Variants in LRRIQ1 observed in about 807,000 individuals in gnomAD.
LRRIQ1 encodes leucine-rich repeat- and IQ domain-containing protein 1.
LRRIQ1 carries 210 observed loss-of-function variants against 211.9 expected under a neutral mutation model. The ratio of observed to expected loss-of-function variants is 0.99; its 90% CI spans 0.89 to 1.11. The LOEUF is 1.11. Among genes scored for constraint, LRRIQ1 ranks in the 50% most tolerant of loss-of-function variants. The pLI is 0.00. For synonymous variants in LRRIQ1, 699 were observed against 650.1 expected (o/e 1.08, Z -1.14); for missense variants, 2,136 against 1,939.5 (o/e 1.10, Z -1.90).
intron 24 of LRRIQ1, among the ~76,000 whole-genome samples, chr12:85,163,647 T>C (rs930811325): frequency 6.6e-6 from 1 of 152,170 alleles, no homozygotes; most frequent in African/African-American, 2.4e-5. Context: ...TGTGGCTTTT[T>C]CTGAACATCC....
chr12:85,192,507 AAT>A (rs1328661967), intron 24 of LRRIQ1, among the ~76,000 whole-genome samples: 9 of 123,918 alleles, frequency 7.3e-5, no homozygotes, highest in East Asian at 2.3e-4. Flanking sequence ...ATTATATATA[AAT>A]ATATATAGTT....
chr12:85,210,426 A>G (rs1893784991), intron 24 of LRRIQ1, among the ~76,000 whole-genome samples: 2 of 152,344 alleles, frequency 1.3e-5, no homozygotes, highest in African/African-American at 4.8e-5. Flanking sequence ...ATGTAAAGAT[A>G]GTAGAATTTG....
intron 14 of LRRIQ1, 30 bp downstream of exon 14, chr12:85,104,107 TA>T: frequency 8.6e-7 from 1 of 1,167,892 alleles, no homozygotes; most frequent in South Asian, 2.1e-5. Context: ...TATATTTTAA[TA>T]ATAGACTTTT....
chr12:85,199,274 T>G (rs753639061), intron 24 of LRRIQ1, among the ~76,000 whole-genome samples: 19 of 152,150 alleles, frequency 1.2e-4, no homozygotes, highest in Admixed American at 9.2e-4. Context: ...CAATCCATCT[T>G]GAGTTGATTT....
chr12:85,191,304 T>TA (rs1182561294), intron 24 of LRRIQ1, among the ~76,000 whole-genome samples: 2 of 151,976 alleles, frequency 1.3e-5, no homozygotes, highest in Non-Finnish European at 2.9e-5. Flanking sequence ...ATAAAAATCT[T>TA]ACGTGTTTTA....
intron 8 of LRRIQ1, among the ~76,000 whole-genome samples, chr12:85,062,173 A>T (rs1447566077): frequency 1.3e-5 from 2 of 151,844 alleles, no homozygotes; most frequent in South Asian, 2.1e-4. Context: ...TATGGTATAC[A>T]CAAGAATATT....
At chr12:85,167,254 G>T (rs1459518408) in intron 24 of LRRIQ1, among the ~76,000 whole-genome samples, 1 of 152,106 alleles carries the variant, frequency 6.6e-6, no homozygotes, top group South Asian at 2.1e-4. Flanking sequence ...ATTAGTCAGG[G>T]TTCTCTAGAG....
chr12:85,212,389 G>T (rs2137075132), intron 24 of LRRIQ1, among the ~76,000 whole-genome samples: 1 of 152,234 alleles, frequency 6.6e-6, no homozygotes, highest in South Asian at 2.1e-4. Context: ...GGCACTATGG[G>T]TTTATGATAT....
intron 24 of LRRIQ1, among the ~76,000 whole-genome samples, chr12:85,165,664 G>A (rs143390294): frequency 0.016 from 2,395 of 151,814 alleles, 34 homozygotes; most frequent in Non-Finnish European, 0.025. Context: ...TAGTAGAGAC[G>A]GGGTTTCACC....
intron 24 of LRRIQ1, among the ~76,000 whole-genome samples, chr12:85,202,063 C>A (rs12305174): frequency 0.058 from 8,747 of 152,076 alleles, 831 homozygotes; most frequent in African/African-American, 0.2. Flanking sequence ...CATTCAGGAG[C>A]AGGTTTCCAT....
chr12:85,193,438 C>T (rs1336568397), intron 24 of LRRIQ1, among the ~76,000 whole-genome samples: 1 of 136,422 alleles, frequency 7.3e-6, no homozygotes, highest in South Asian at 2.5e-4. Context: ...TCGGGTTACC[C>T]TCAAAGGGAA....
At chr12:85,141,861 T>A (rs1889568298) in intron 19 of LRRIQ1, among the ~76,000 whole-genome samples, 1 of 151,284 alleles carries the variant, frequency 6.6e-6, no homozygotes, top group Non-Finnish European at 1.5e-5. Flanking sequence ...ATTTATCAAG[T>A]ATTTTTGTTT....
chr12:85,191,318 A>G (rs1057316697), intron 24 of LRRIQ1, among the ~76,000 whole-genome samples: 16 of 151,952 alleles, frequency 1.1e-4, no homozygotes, highest in African/African-American at 2.7e-4. Flanking sequence ...TGTTTTATCT[A>G]TAAGCATCCT....
intron 26 of LRRIQ1, among the ~76,000 whole-genome samples, chr12:85,239,385 A>ACACG (rs1286120947): frequency 6.6e-6 from 1 of 150,984 alleles, no homozygotes; most frequent in African/African-American, 2.4e-5. Flanking sequence ...ACACACACAC[A>ACACG]CGTGTATATA....
chr12:85,097,742 A>C (rs895688516), intron 11 of LRRIQ1, among the ~76,000 whole-genome samples: 4 of 152,052 alleles, frequency 2.6e-5, no homozygotes, highest in African/African-American at 9.7e-5. Context: ...TCTCATGCTA[A>C]CTCCTGATGG....
chr12:85,052,352 T>C, intron 7 of LRRIQ1, 101 bp downstream of exon 7: 1 of 567,816 alleles, frequency 1.8e-6, no homozygotes, highest in Non-Finnish European at 3.0e-6. Flanking sequence ...GCCTAAGTAG[T>C]ATAAGATTTT....
downstream of LRRIQ1, among the ~76,000 whole-genome samples, chr12:85,268,562 T>G (rs1896470453): frequency 6.6e-6 from 1 of 151,980 alleles, no homozygotes; most frequent in Non-Finnish European, 1.5e-5. Flanking sequence ...GACATTGTCC[T>G]ACAGGAGAAA....
intron 15 of LRRIQ1, among the ~76,000 whole-genome samples, chr12:85,111,939 T>TAC (rs1312404476): frequency 9.1e-6 from 1 of 110,008 alleles, no homozygotes; most frequent in East Asian, 2.2e-4. Context: ...ACATTTTATA[T>TAC]ATATATACAC....
In LRRIQ1 at chr12:85,250,874, T is replaced by TTATATTATATATAATATATTTTA. The variant is rs1366914685; in HGVS notation, c.121+6001_121+6023dup. On this transcript the variant is annotated intron_variant, in intron 1 of 1. Coordinates refer to the LRRIQ1 transcript ENST00000602731. ...TATAATATATATTATAGATTATATA[T>TTATATTATATATAATATATTTTA]TATATTATATATAATATATTTTATA... 6.0e-3 allele frequency among the ~76,000 whole-genome samples: 331 copies of TTATATTATATATAATATATTTTA among 54,954 alleles called. 4 individuals carry two copies. The highest frequency in any genetic ancestry group is 8.4e-3 in the Non-Finnish European group (262 of 31,018). The allele number at this position is 54,954 out of a possible 152,430, so 36.1% of individuals were successfully genotyped here.
Sources: gnomAD v4.1 joint callset for allele counts (sites outside exome capture counted in the v4.1 genomes callset) on GRCh38, gnomAD v4.1.1 for gene constraint, MANE v1.5 for transcripts, NCBI Gene and HGNC (gene_info 2026-07-23, HGNC 2026-07-21) for gene names.